The following NCOR2 variants were observed in gnomAD, a reference collection of about 807,000 sequenced individuals.
The protein encoded by NCOR2 is CTG repeat protein 26.
Under a neutral mutation model 262.9 loss-of-function variants are expected in NCOR2, and 81 were observed. That is an observed-to-expected ratio of 0.31 (90% CI 0.26 to 0.37). The LOEUF is 0.37. NCOR2 is among the 10% of genes least tolerant of loss of function. The pLI is 1.00. For synonymous variants in NCOR2, 1,659 were observed against 1,559.3 expected (o/e 1.06, Z -1.51); for missense variants, 3,385 against 3,621.4 (o/e 0.93, Z 1.68).
intron 38 of NCOR2, chr12:124,335,852 G>A: frequency 3.6e-6 from 2 of 560,570 alleles, no homozygotes; most frequent in Non-Finnish European, 6.3e-6. Context: ...GCCCGGGACA[G>A]AGACAGACAG....
Position 124,483,541 on chromosome 12 carries a change from C to G in NCOR2, c.411+55G>C. 6.9e-7 allele frequency: 1 copy of G among 1,453,478 alleles called. No individual in the cohort carries two copies. Among genetic ancestry groups the G allele is most frequent in the Non-Finnish European group, 9.1e-7 (1 of 1,095,402 alleles). The allele number at this position is 1,453,478 out of a possible 1,614,324, so 90.0% of individuals were successfully genotyped here. A position where few individuals can be genotyped will look rare whatever the true frequency, so the allele number is the denominator to read the frequency against. On this transcript the variant is annotated intron_variant, in intron 3 of 46. Transcript: ENST00000405201. This position sits in a 1 kb window ranked among gnomAD's most constrained non-coding sequence, Gnocchi z 6.3. The stretch of plus-strand genomic sequence containing the variant: ...ACCCACCACCTCCCACCCAGCCCAA[C>G]CAGCAGCAGAACCTCAAGCGGGAGA...
chr12:124,351,901 G>C (rs1337676354), intron 27 of NCOR2, among the ~76,000 whole-genome samples: 1 of 152,240 alleles, frequency 6.6e-6, no homozygotes, highest in Non-Finnish European at 1.5e-5. Flanking sequence ...ACCTGGACCA[G>C]TGAGCTCTGA....
At chr12:124,564,085 G>T (rs891632621) in intron 1 of NCOR2, among the ~76,000 whole-genome samples, 2 of 152,210 alleles carry the variant, frequency 1.3e-5, no homozygotes, top group African/African-American at 4.8e-5. Flanking sequence ...CGTAGAGCAC[G>T]GTTCCTGGCA....
At chr12:124,339,893 G>GGCCCCCCCCCCCCC in intron 37 of NCOR2, 113 bp downstream of exon 39, 5 of 565,998 alleles carry the variant, frequency 8.8e-6, no homozygotes, top group East Asian at 3.4e-5. Flanking sequence ...CCACACATCT[G>GGCCCCCCCCCCCCC]CCCACCCACC....
chr12:124,528,773 GC>G (rs2050617079), intron 1 of NCOR2, among the ~76,000 whole-genome samples: 1 of 152,184 alleles, frequency 6.6e-6, no homozygotes, highest in Non-Finnish European at 1.5e-5. Context: ...GCACCTCCTA[GC>G]CTGAAGGAGG....
chr12:124,554,716 C>T (rs1021012115), intron 1 of NCOR2, among the ~76,000 whole-genome samples: 18 of 152,252 alleles, frequency 1.2e-4, no homozygotes, highest in African/African-American at 4.1e-4. Flanking sequence ...CACTGAGGGC[C>T]GCACAGTTCC....
At chr12:124,392,428 TG>T (rs1271231333) in intron 16 of NCOR2, among the ~76,000 whole-genome samples, 1 of 152,106 alleles carries the variant, frequency 6.6e-6, no homozygotes, top group Non-Finnish European at 1.5e-5. Flanking sequence ...CCACACGTGG[TG>T]ACAGTCTCCT....
At chr12:124,402,683 C>A in intron 13 of NCOR2, 122 bp from the exon 16 acceptor site, 2 of 1,499,096 alleles carry the variant, frequency 1.3e-6, no homozygotes, top group South Asian at 1.2e-5. Context: ...TGGAGTCCAC[C>A]CAGAAGAGGT....
At chr12:124,400,296 G>A (rs1372236057) in intron 15 of NCOR2, among the ~76,000 whole-genome samples, 1 of 152,048 alleles carries the variant, frequency 6.6e-6, no homozygotes, top group East Asian at 1.9e-4. Flanking sequence ...AGAACATGAG[G>A]ACCCTGAGGC....
chr12:124,549,007 T>C lies in NCOR2; in HGVS notation c.-164-13396A>G, dbSNP rs1185610157. On this transcript the variant is annotated intron_variant, in intron 1 of 32. Transcript: ENST00000458234. The surrounding 1 kb of genome is among the most constrained non-coding windows in gnomAD (Gnocchi z 4.4). ...GGCACCGCACAGATTTTTGCTGTTG[T>C]TGTTAATTCTGTGTCGAGTCTAGTC... is the stretch of plus-strand genomic sequence containing the variant. Among the ~76,000 whole-genome samples the C allele has an allele frequency of 6.6e-6, 1 of 152,134 alleles. No individual in the cohort carries two copies. The highest frequency in any genetic ancestry group is 1.5e-5 in the Non-Finnish European group (1 of 68,036).
Position 124,543,964 on chromosome 12 carries a change from C to G in NCOR2, c.-164-8353G>C, listed in dbSNP as rs888032598. On this transcript the variant is annotated intron_variant, in intron 1 of 32. Transcript: ENST00000458234. ...ATTAACTCGTTTAATTCTTAACAAC[C>G]GCCCCACATCCTCCCCCTGTGCAGA... is the stretch of plus-strand genomic sequence containing the variant. 2.0e-5 allele frequency among the ~76,000 whole-genome samples: 3 copies of G among 152,234 alleles called. No homozygotes were observed. The East Asian group carries it at 5.8e-4, about 29-fold the overall frequency.
chr12:124,333,550 C>T (rs2035426225), intron 41 of NCOR2, among the ~76,000 whole-genome samples: 1 of 152,050 alleles, frequency 6.6e-6, no homozygotes, highest in South Asian at 2.1e-4. Context: ...CCATGGGCCA[C>T]AGTTTATTGA....
At chr12:124,348,500 A>AGGACC in intron 28 of NCOR2, 186 bp from the exon 31 acceptor site, 1 of 718,928 alleles carries the variant, frequency 1.4e-6, no homozygotes, top group Non-Finnish European at 2.2e-6. Flanking sequence ...GCCTGCCAGC[A>AGGACC]GGACCCAGGA....
At chr12:124,363,729 G>A (rs370992037) in exon 21 of NCOR2, 1 of 1,406,970 alleles carries the variant, frequency 7.1e-7, no homozygotes, top group African/African-American at 1.5e-5. Context: ...AGGTCCAGTG[G>A]CTTCTGGGGT....
At chr12:124,387,405 A>C (rs1005205307) in intron 16 of NCOR2, among the ~76,000 whole-genome samples, 1 of 152,202 alleles carries the variant, frequency 6.6e-6, no homozygotes, top group Non-Finnish European at 1.5e-5. Flanking sequence ...CCTTGCTGTC[A>C]TGGCTGTGAC....
Position 124,432,153 on chromosome 12 carries a change from T to C in NCOR2, c.883-1366A>G, listed in dbSNP as rs1189852268. On this transcript the variant is annotated intron_variant, in intron 8 of 46. Coordinates refer to ENST00000405201, the Ensembl canonical transcript of NCOR2. The surrounding 1 kb of genome is among the most constrained non-coding windows in gnomAD (Gnocchi z 5.1). ...ACACAGTCGCAGGCAGACAAACAGA[T>C]GCACACACAGGGTCTCGCAGGCAGA... 6.6e-6 allele frequency among the ~76,000 whole-genome samples: 1 copy of C among 150,812 alleles called. No individual in the cohort carries two copies. Among genetic ancestry groups the C allele is most frequent in the East Asian group, 2.0e-4 (1 of 5,098 alleles).
chr12:124,426,483 C>G, intron 11 of NCOR2, 139 bp downstream of exon 13: 1 of 825,098 alleles, frequency 1.2e-6, no homozygotes, highest in East Asian at 3.2e-5. Flanking sequence ...CCGGCCTCCA[C>G]AACCAGGAGA....
chr12:124,433,982 C>T (rs1406729901), intron 8 of NCOR2, among the ~76,000 whole-genome samples: 3 of 151,684 alleles, frequency 2.0e-5, no homozygotes, highest in Non-Finnish European at 2.9e-5. Context: ...GTGCTAGGAG[C>T]GCAAATCCAC....
chr12:124,554,962 G>A (rs1190402862), intron 1 of NCOR2, among the ~76,000 whole-genome samples: 3 of 152,204 alleles, frequency 2.0e-5, no homozygotes, highest in East Asian at 1.9e-4. Flanking sequence ...GATTGGGCAC[G>A]TGGTGGACCC....
Sources: allele counts gnomAD v4.1 joint callset (sites outside exome capture counted in the v4.1 genomes callset), GRCh38; gene constraint gnomAD v4.1.1; non-coding constraint Gnocchi (gnomAD v3.1); transcripts MANE v1.5; gene names NCBI Gene and HGNC (gene_info 2026-07-23, HGNC 2026-07-21).